The following NCKAP5 variants were observed in gnomAD, a reference collection of about 807,000 sequenced individuals.
NCKAP5 encodes the protein nck-associated protein 5.
NCKAP5 carries 92 observed loss-of-function variants against 167.0 expected under a neutral mutation model. The ratio of observed to expected loss-of-function variants is 0.55; its 90% CI spans 0.47 to 0.66. NCKAP5 has a LOEUF of 0.66. Among genes scored for constraint, NCKAP5 ranks in the 30% least tolerant of loss-of-function variants. NCKAP5 has a pLI of 0.00. For missense variants in NCKAP5, 2,378 were observed against 2,315.0 expected (o/e 1.03, Z -0.56); for synonymous variants, 891 against 877.4 (o/e 1.02, Z -0.27).
intron 2 of NCKAP5, among the ~76,000 whole-genome samples, chr2:133,534,513 C>T (rs1274522150): frequency 6.6e-6 from 1 of 152,118 alleles, no homozygotes; most frequent in Non-Finnish European, 1.5e-5. Context: ...TACCCAGCCC[C>T]CGGCAACCAT....
At chr2:132,963,145 G>T (rs573424772) in intron 8 of NCKAP5, among the ~76,000 whole-genome samples, 1 of 152,286 alleles carries the variant, frequency 6.6e-6, no homozygotes, top group Admixed American at 6.5e-5. Context: ...CGAATGCCAC[G>T]AAGTAACAGA....
intron 3 of NCKAP5, among the ~76,000 whole-genome samples, chr2:133,480,485 G>C (rs1680297913): frequency 6.6e-6 from 1 of 151,828 alleles, no homozygotes; most frequent in Non-Finnish European, 1.5e-5. Flanking sequence ...ATTCTGTCCT[G>C]GGGTTTCTCT....
At chr2:133,603,709 T>G in the NCKAP5 span, among the ~76,000 whole-genome samples, 199 of 151,936 alleles carry the variant, frequency 1.3e-3, no homozygotes, top group African/African-American at 4.5e-3. Flanking sequence ...TGGCTAATTT[T>G]GTATTTTTGG....
chr2:133,610,723 T>C, the NCKAP5 span, among the ~76,000 whole-genome samples: 3 of 152,158 alleles, frequency 2.0e-5, no homozygotes, highest in Non-Finnish European at 2.9e-5. Context: ...CTTTTAAAAA[T>C]AGATTAAAGG....
intron 19 of NCKAP5, among the ~76,000 whole-genome samples, chr2:132,707,156 C>T (rs1558949551): frequency 1.3e-5 from 2 of 152,230 alleles, no homozygotes; most frequent in Admixed American, 6.5e-5. Flanking sequence ...AACACCACTC[C>T]TCCCCATCCC....
intron 8 of NCKAP5, among the ~76,000 whole-genome samples, chr2:132,945,293 G>T (rs112949001): frequency 6.6e-6 from 1 of 152,132 alleles, no homozygotes; most frequent in Non-Finnish European, 1.5e-5. Context: ...GGCGGGGGCA[G>T]GGGTGGGGTG....
intron 8 of NCKAP5, among the ~76,000 whole-genome samples, chr2:132,905,633 C>T (rs913728041): frequency 1.3e-5 from 2 of 152,106 alleles, no homozygotes; most frequent in African/African-American, 4.8e-5. Flanking sequence ...TTTCTTACAA[C>T]GAGTGTTATA....
intron 5 of NCKAP5, among the ~76,000 whole-genome samples, chr2:133,158,383 A>G (rs1028212652): frequency 2.0e-5 from 3 of 152,230 alleles, no homozygotes; most frequent in Non-Finnish European, 4.4e-5. Flanking sequence ...ATTTTTAAGA[A>G]TATGAATAGC....
chr2:133,614,741 G>C, the NCKAP5 span, among the ~76,000 whole-genome samples: 21 of 152,188 alleles, frequency 1.4e-4, no homozygotes, highest in Non-Finnish European at 1.9e-4. Flanking sequence ...TATTATCCAG[G>C]AGAACTTCCC....
intron 3 of NCKAP5, chr2:133,391,001 G>A (rs1687360914): frequency 6.6e-6 from 1 of 152,166 alleles, no homozygotes; most frequent in Admixed American, 6.5e-5. Context: ...TTGGGCACTG[G>A]AATGCCTCAC....
chr2:133,620,552 T>G, the NCKAP5 span, among the ~76,000 whole-genome samples: 1 of 152,106 alleles, frequency 6.6e-6, no homozygotes, highest in African/African-American at 2.4e-5. Flanking sequence ...GACAAAGGAC[T>G]AGTCCACAGG....
intron 5 of NCKAP5, among the ~76,000 whole-genome samples, chr2:133,157,129 T>G (rs909666061): frequency 6.6e-6 from 1 of 152,218 alleles, no homozygotes; most frequent in Non-Finnish European, 1.5e-5. Context: ...ATACTGTCAA[T>G]AGCTATTTTC....
chr2:133,560,254 T>A (rs1688062237), intron 1 of NCKAP5, among the ~76,000 whole-genome samples: 1 of 152,230 alleles, frequency 6.6e-6, no homozygotes, highest in African/African-American at 2.4e-5. Flanking sequence ...AGAAAACTTG[T>A]GTATATTCAT....
At chr2:133,526,699 T>A (rs113753348) in intron 2 of NCKAP5, among the ~76,000 whole-genome samples, 343 of 152,240 alleles carry the variant, frequency 2.3e-3, no homozygotes, top group African/African-American at 7.9e-3. Flanking sequence ...GATCTCCCCC[T>A]GCACCACCAC....
chr2:133,310,665 C>T (rs986692745), intron 3 of NCKAP5, among the ~76,000 whole-genome samples: 3 of 152,206 alleles, frequency 2.0e-5, no homozygotes, highest in Admixed American at 1.3e-4. Context: ...TTTGGATGTG[C>T]CACATACTCT....
At chr2:132,824,277 T>C (rs1294572197) in intron 11 of NCKAP5, among the ~76,000 whole-genome samples, 1 of 152,226 alleles carries the variant, frequency 6.6e-6, no homozygotes, top group Non-Finnish European at 1.5e-5. Context: ...AACTAAACTC[T>C]TCCCATCTTT....
At chr2:133,541,951 C>T (rs187289091) in intron 2 of NCKAP5, among the ~76,000 whole-genome samples, 3 of 152,230 alleles carry the variant, frequency 2.0e-5, no homozygotes, top group Admixed American at 2.0e-4. Context: ...AATAAAATGT[C>T]CCCACCTGTT....
intron 8 of NCKAP5, among the ~76,000 whole-genome samples, chr2:132,896,745 A>T (rs879934425): frequency 4.6e-5 from 7 of 152,230 alleles, no homozygotes; most frequent in Non-Finnish European, 8.8e-5. Context: ...TTATACCTAG[A>T]TGATGTCTCA....
At chr2:133,650,656 C>T in the NCKAP5 span, among the ~76,000 whole-genome samples, 1 of 152,010 alleles carries the variant, frequency 6.6e-6, no homozygotes, top group African/African-American at 2.4e-5. Context: ...AGGTGGATTG[C>T]CTAAGGTCAG....
Sources: gnomAD v4.1 joint callset for allele counts (sites outside exome capture counted in the v4.1 genomes callset) on GRCh38, gnomAD v4.1.1 for gene constraint, MANE v1.5 for transcripts, NCBI Gene and HGNC (gene_info 2026-07-23, HGNC 2026-07-21) for gene names.